Variants in HYCC2 observed in about 807,000 individuals in gnomAD.
The protein encoded by HYCC2 is hyccin PI4KA lipid kinase complex subunit 2.
the HYCC2 span, among the ~76,000 whole-genome samples, chr2:201,001,476 T>C: frequency 1.3e-5 from 2 of 152,316 alleles, no homozygotes; most frequent in South Asian, 4.1e-4. Context: ...TAAAATGTGG[T>C]ATATCCACAC....
At chr2:201,031,998 G>T in the HYCC2 span, among the ~76,000 whole-genome samples, 1 of 152,030 alleles carries the variant, frequency 6.6e-6, no homozygotes, top group South Asian at 2.1e-4. Context: ...GTCTCGCTCT[G>T]TTGCCCAGGC....
chr2:201,025,278 A>C, the HYCC2 span, among the ~76,000 whole-genome samples: 1 of 152,210 alleles, frequency 6.6e-6, no homozygotes, highest in African/African-American at 2.4e-5. Flanking sequence ...CGTAAGAATT[A>C]ATTGGTTCAT....
At chr2:201,063,309 C>G in the HYCC2 span, 1 of 1,535,104 alleles carries the variant, frequency 6.5e-7, no homozygotes, top group South Asian at 1.1e-5. Context: ...GCTATGAATG[C>G]AAGGCCACAG....
At chr2:200,986,526 GTAAA>G in the HYCC2 span, among the ~76,000 whole-genome samples, 1 of 152,058 alleles carries the variant, frequency 6.6e-6, no homozygotes, top group Non-Finnish European at 1.5e-5. Context: ...AAAACAGTAA[GTAAA>G]TACTTTTCCA....
chr2:201,038,459 C>G, the HYCC2 span, among the ~76,000 whole-genome samples: 4 of 152,256 alleles, frequency 2.6e-5, no homozygotes, highest in Admixed American at 1.3e-4. Context: ...TTTACTGCGG[C>G]ACTATTCACA....
the HYCC2 span, among the ~76,000 whole-genome samples, chr2:201,068,578 A>G: frequency 6.6e-6 from 1 of 152,236 alleles, no homozygotes; most frequent in Non-Finnish European, 1.5e-5. Context: ...TGGAGATGAT[A>G]TAAGTGATAT....
At chr2:201,011,472 C>T in the HYCC2 span, 2 of 1,535,032 alleles carry the variant, frequency 1.3e-6, no homozygotes, top group South Asian at 1.3e-5. Flanking sequence ...TCAGCGATTT[C>T]CTATAGTCAA....
At chr2:201,066,323 C>A in the HYCC2 span, among the ~76,000 whole-genome samples, 1 of 152,174 alleles carries the variant, frequency 6.6e-6, no homozygotes, top group African/African-American at 2.4e-5. Flanking sequence ...ATCTGCTCAC[C>A]TCGGCCTCCC....
chr2:201,018,515 T>A, the HYCC2 span, among the ~76,000 whole-genome samples: 19 of 152,306 alleles, frequency 1.2e-4, no homozygotes, highest in Admixed American at 1.2e-3. Context: ...TTATAAAAAG[T>A]TAACAAATCC....
At chr2:201,005,401 A>T in the HYCC2 span, among the ~76,000 whole-genome samples, 1 of 152,128 alleles carries the variant, frequency 6.6e-6, no homozygotes, top group Non-Finnish European at 1.5e-5. Flanking sequence ...TCTTTTCCAC[A>T]TCACCTCAAC....
the HYCC2 span, among the ~76,000 whole-genome samples, chr2:201,037,937 C>A: frequency 6.6e-6 from 1 of 152,156 alleles, no homozygotes; most frequent in South Asian, 2.1e-4. Flanking sequence ...AAAGAAACTA[C>A]CATCAGAGTG....
At chr2:200,998,088 T>A in the HYCC2 span, among the ~76,000 whole-genome samples, 1 of 152,220 alleles carries the variant, frequency 6.6e-6, no homozygotes, top group African/African-American at 2.4e-5. Flanking sequence ...CCCCTATGAA[T>A]AAGTCTACCA....
At chr2:200,976,495 A>C in the HYCC2 span, 2 of 152,202 alleles carry the variant, frequency 1.3e-5, no homozygotes, top group African/African-American at 4.8e-5. Context: ...ACTGATTGTC[A>C]ACAACTGAAG....
chr2:201,004,054 G>GTA, the HYCC2 span, among the ~76,000 whole-genome samples: 1 of 152,056 alleles, frequency 6.6e-6, no homozygotes, highest in Non-Finnish European at 1.5e-5. Context: ...GACCTCAGGT[G>GTA]ATCCACCCGC....
At chr2:201,067,201 G>T in the HYCC2 span, 4,539 of 218,908 alleles carry the variant, frequency 0.021, 229 homozygotes, top group African/African-American at 0.099. Context: ...AACTGAGTTC[G>T]GCTGGCTAAT....
chr2:201,056,642 C>T, the HYCC2 span, among the ~76,000 whole-genome samples: 1 of 150,140 alleles, frequency 6.7e-6, no homozygotes, highest in Admixed American at 6.6e-5. Context: ...CCATTGCACT[C>T]CAGCCTGGGT....
At chr2:201,037,573 T>G in the HYCC2 span, among the ~76,000 whole-genome samples, 4 of 152,078 alleles carry the variant, frequency 2.6e-5, no homozygotes, top group Non-Finnish European at 1.5e-5. Flanking sequence ...AACAGAGCCC[T>G]CAGAAATAAT....
the HYCC2 span, among the ~76,000 whole-genome samples, chr2:200,986,257 CAG>C: frequency 1.3e-5 from 2 of 152,176 alleles, no homozygotes; most frequent in Non-Finnish European, 2.9e-5. Context: ...GGCAAGGGAA[CAG>C]AGGGTAGATT....
chr2:201,062,231 A>G, the HYCC2 span, among the ~76,000 whole-genome samples: 1 of 152,168 alleles, frequency 6.6e-6, no homozygotes, highest in African/African-American at 2.4e-5. Context: ...ATTATAATAG[A>G]AATCTGGCCA....
Sources: gnomAD v4.1 joint callset for allele counts (sites outside exome capture counted in the v4.1 genomes callset) on GRCh38, gnomAD v4.1.1 for gene constraint, MANE v1.5 for transcripts, NCBI Gene and HGNC (gene_info 2026-07-23, HGNC 2026-07-21) for gene names.